The following EIF4ENIF1 variants were observed in gnomAD, a reference collection of about 807,000 sequenced individuals.
EIF4ENIF1 encodes eukaryotic translation initiation factor 4E transporter.
In EIF4ENIF1, 23 loss-of-function variants were observed where a neutral mutation model predicts 110.5. That is an observed-to-expected ratio of 0.21 (90% CI 0.15 to 0.29). The LOEUF is 0.29. Among genes scored for constraint, EIF4ENIF1 ranks in the 10% least tolerant of loss-of-function variants. The pLI is 1.00. For missense variants in EIF4ENIF1, 1,031 were observed against 1,221.1 expected (o/e 0.84, Z 2.32); for synonymous variants, 440 against 437.0 (o/e 1.01, Z -0.09).
chr22:31,484,360 GA>G (rs953599874), intron 2 of EIF4ENIF1, among the ~76,000 whole-genome samples: 3 of 152,000 alleles, frequency 2.0e-5, no homozygotes, highest in Non-Finnish European at 4.4e-5. Context: ...ACTCATGGGG[GA>G]AAAACAAAAA....
chr22:31,473,992 G>T (rs1446031839), intron 2 of EIF4ENIF1, among the ~76,000 whole-genome samples: 1 of 151,752 alleles, frequency 6.6e-6, no homozygotes, highest in Non-Finnish European at 1.5e-5. Context: ...TACTGTAAAG[G>T]CAAGTCCTCC....
intron 15 of EIF4ENIF1, among the ~76,000 whole-genome samples, chr22:31,444,250 C>T (rs2050392487): frequency 6.6e-6 from 1 of 152,134 alleles, no homozygotes; most frequent in East Asian, 1.9e-4. Context: ...TCAATAGACT[C>T]CCCACTGTCT....
intron 6 of EIF4ENIF1, chr22:31,461,703 GA>G (rs1427749645): frequency 6.6e-6 from 1 of 152,328 alleles, no homozygotes; most frequent in East Asian, 1.9e-4. Flanking sequence ...AAAGTGCTGG[GA>G]TCACAGGCGT....
chr22:31,475,811 G>A (rs898980529), intron 2 of EIF4ENIF1, among the ~76,000 whole-genome samples: 5 of 151,384 alleles, frequency 3.3e-5, no homozygotes, highest in South Asian at 4.2e-4. Context: ...AGGCTGCAGC[G>A]ATCGCACCAC....
At chr22:31,451,439 A>T (rs1420542555) in intron 10 of EIF4ENIF1, among the ~76,000 whole-genome samples, 1 of 150,040 alleles carries the variant, frequency 6.7e-6, no homozygotes, top group Non-Finnish European at 1.5e-5. Context: ...ACGCCCAGCT[A>T]ATTTTTTTTT....
chr22:31,489,564 C>T (rs556850383), intron 1 of EIF4ENIF1, 130 bp downstream of exon 1: 11 of 149,122 alleles, frequency 7.4e-5, no homozygotes, highest in Non-Finnish European at 1.2e-4. Flanking sequence ...CCTGCCCACC[C>T]CCTGCGGGCG....
At chr22:31,462,249 G>A (rs900017355) in intron 6 of EIF4ENIF1, among the ~76,000 whole-genome samples, 7 of 152,062 alleles carry the variant, frequency 4.6e-5, no homozygotes, top group South Asian at 2.1e-4. Context: ...TTGGGATGCC[G>A]AGGCGGGTGA....
intron 15 of EIF4ENIF1, 154 bp from the exon 16 acceptor site, chr22:31,443,248 A>G (rs2050359830): frequency 9.1e-7 from 1 of 1,099,650 alleles, no homozygotes; most frequent in South Asian, 1.6e-5. Context: ...TGGAGGAAAA[A>G]CAGAATGGGG....
intron 2 of EIF4ENIF1, among the ~76,000 whole-genome samples, chr22:31,488,381 A>T (rs780188072): frequency 3.9e-5 from 6 of 152,182 alleles, no homozygotes; most frequent in African/African-American, 9.7e-5. Context: ...CCGCAATTTT[A>T]AAAAAATCTA....
chr22:31,474,094 A>G (rs2051486518), intron 2 of EIF4ENIF1, among the ~76,000 whole-genome samples: 2 of 149,492 alleles, frequency 1.3e-5, no homozygotes, highest in South Asian at 2.1e-4. Context: ...GTCTTGCTCT[A>G]TCGCCCAGGC....
At chr22:31,485,387 T>C (rs2051979378) in intron 2 of EIF4ENIF1, among the ~76,000 whole-genome samples, 1 of 152,126 alleles carries the variant, frequency 6.6e-6, no homozygotes, top group African/African-American at 2.4e-5. Context: ...GAAAGAGAAA[T>C]ATCTCCCTAA....
intron 12 of EIF4ENIF1, 33 bp from the exon 13 acceptor site, chr22:31,448,265 G>C: frequency 6.2e-7 from 1 of 1,605,112 alleles, no homozygotes; most frequent in Non-Finnish European, 8.5e-7. Context: ...TGAGTACCAA[G>C]ATGGTATGTG....
intron 10 of EIF4ENIF1, chr22:31,450,754 AC>A: frequency 3.8e-6 from 1 of 265,236 alleles, no homozygotes; most frequent in East Asian, 9.2e-5. Context: ...ATATATACAC[AC>A]ATACATATAT....
chr22:31,441,550 GAAAAAAAAA>G (rs771597260), intron 17 of EIF4ENIF1, among the ~76,000 whole-genome samples: 8 of 65,254 alleles, frequency 1.2e-4, no homozygotes, highest in East Asian at 4.0e-4. Flanking sequence ...CTACAAAAAG[GAAAAAAAAA>G]AAAAAAAAAA....
chr22:31,486,920 TAAAAAAA>T (rs55836026), intron 2 of EIF4ENIF1, among the ~76,000 whole-genome samples: 1 of 141,774 alleles, frequency 7.1e-6, no homozygotes, highest in Non-Finnish European at 1.5e-5. Flanking sequence ...GTCTCTACTA[TAAAAAAA>T]AAAAAAAAAT....
rs11418470 is a variant in EIF4ENIF1, at chr22:31,462,484, C to CAAAA, written c.787+444_787+447dup. On this transcript the variant is annotated intron_variant, in intron 6 of 18. Coordinates refer to ENST00000330125, the MANE Select transcript of EIF4ENIF1 (RefSeq NM_019843.4). ...CGGGCAACTGAGCGAGACTCCGTCT[C>CAAAA]AAAAAAAAAAAAAGATTTCAAAATC... is the stretch of plus-strand genomic sequence containing the variant. Among the ~76,000 whole-genome samples, 840 of 137,304 alleles carry CAAAA rather than the reference C, an allele frequency of 6.1e-3. 10 individuals are homozygous for CAAAA. The highest frequency in any genetic ancestry group is 0.021 in the African/African-American group (771 of 36,762). 90.1% of individuals were successfully genotyped at this position (137,304 alleles called of 152,430 possible). A position where few individuals can be genotyped will look rare whatever the true frequency, so the allele number is the denominator to read the frequency against.
At chr22:31,437,968 A>T (rs185228322), downstream of EIF4ENIF1, 10 of 152,210 alleles carry the variant, frequency 6.6e-5, no homozygotes, top group Non-Finnish European at 1.5e-4. Context: ...TTCATGCATA[A>T]TCCATAAAGC....
rs1202014987 is a variant in EIF4ENIF1, at chr22:31,454,124, G to A, written c.1512+20C>T. On this transcript the variant is annotated intron_variant, in intron 10 of 18. Coordinates refer to ENST00000330125, the MANE Select transcript of EIF4ENIF1 (RefSeq NM_019843.4). ...AAAAAAAAAGGAGAAAAGGGTGGGG[G>A]GTTTGTGTCAGATACTTACGCTGAC... 6.2e-7 allele frequency: 1 copy of A among 1,600,442 alleles called. No individual in the cohort carries two copies. Among genetic ancestry groups the A allele is most frequent in the African/African-American group, 1.3e-5 (1 of 74,600 alleles).
At chr22:31,458,042 A>G (rs574739167) in intron 7 of EIF4ENIF1, among the ~76,000 whole-genome samples, 14 of 152,266 alleles carry the variant, frequency 9.2e-5, no homozygotes, top group African/African-American at 3.1e-4. Context: ...CGTCTGGCCA[A>G]CATAGTGAAA....
Sources: allele counts gnomAD v4.1 joint callset (sites outside exome capture counted in the v4.1 genomes callset), GRCh38; gene constraint gnomAD v4.1.1; transcripts MANE v1.5; gene names NCBI Gene and HGNC (gene_info 2026-07-23, HGNC 2026-07-21).